The following RBFOX3 variants were observed in gnomAD, a reference collection of about 807,000 sequenced individuals.
RBFOX3 encodes RNA binding fox-1 homolog 3, also known as RNA binding protein fox-1 homolog 3.
A neutral mutation model predicts 48.7 loss-of-function variants in RBFOX3; 17 were observed. The ratio of observed to expected loss-of-function variants is 0.35; its 90% CI spans 0.24 to 0.52. RBFOX3 has a LOEUF of 0.52. Ranked by LOEUF, RBFOX3 falls within the 20% of genes least tolerant of loss-of-function variation. RBFOX3 has a pLI of 0.94. For synonymous variants in RBFOX3, 212 were observed against 209.5 expected, an observed-to-expected ratio of 1.01 and a Z score of -0.10; for missense variants, 382 against 497.5, an observed-to-expected ratio of 0.77 and a Z score of 2.21.
chr17:79,348,870 C>T (rs756206514), intron 2 of RBFOX3, among the ~76,000 whole-genome samples: 1 of 151,972 alleles, frequency 6.6e-6, no homozygotes, highest in Non-Finnish European at 1.5e-5. Context: ...GCCACCACCC[C>T]CGGCCTAAAC....
intron 2 of RBFOX3, among the ~76,000 whole-genome samples, chr17:79,343,939 C>T (rs1014739964): frequency 5.3e-5 from 8 of 152,230 alleles, no homozygotes; most frequent in Middle Eastern, 6.8e-3. Context: ...ATGCACAGGA[C>T]CATGGAATTA....
At chr17:79,280,379 T>C (rs891035000) in intron 3 of RBFOX3, among the ~76,000 whole-genome samples, 2 of 152,168 alleles carry the variant, frequency 1.3e-5, no homozygotes, top group Non-Finnish European at 2.9e-5. Context: ...TATGGGACTG[T>C]CTGTGTGAGA....
chr17:79,165,646 C>T (rs1215386849), intron 4 of RBFOX3, among the ~76,000 whole-genome samples: 1 of 152,238 alleles, frequency 6.6e-6, no homozygotes, highest in African/African-American at 2.4e-5. Flanking sequence ...CTTCGCCGGC[C>T]GGGGTCCCTG....
intron 2 of RBFOX3, among the ~76,000 whole-genome samples, chr17:79,350,745 G>T (rs1476362446): frequency 6.6e-6 from 1 of 152,230 alleles, no homozygotes; most frequent in African/African-American, 2.4e-5. Flanking sequence ...AGCCCCTGAT[G>T]AGGGTTGTGG....
chr17:79,245,221 C>T (rs765333343), intron 3 of RBFOX3, among the ~76,000 whole-genome samples: 7 of 151,960 alleles, frequency 4.6e-5, no homozygotes, highest in Non-Finnish European at 1.0e-4. Context: ...TACAGGCGTA[C>T]GCCACCACAC....
At chr17:79,437,927 C>T (rs1007577800) in intron 2 of RBFOX3, among the ~76,000 whole-genome samples, 6 of 147,920 alleles carry the variant, frequency 4.1e-5, no homozygotes, top group Middle Eastern at 3.2e-3. Context: ...TACATGCACA[C>T]GCATTCACAC....
intron 14 of RBFOX3, chr17:79,091,893 G>T: frequency 1.1e-6 from 1 of 892,038 alleles, no homozygotes; most frequent in Non-Finnish European, 1.3e-6. Context: ...AGACTGGCGT[G>T]ACCACAGCAG....
At chr17:79,115,189 C>T (rs1042788496) in intron 5 of RBFOX3, among the ~76,000 whole-genome samples, 5 of 152,228 alleles carry the variant, frequency 3.3e-5, no homozygotes, top group Non-Finnish European at 5.9e-5. Context: ...AGCAGGGAAG[C>T]CAGGCCCAGG....
rs1310415059 is a variant in RBFOX3, at chr17:79,465,778, C to T, written c.-175+16676G>A. On this transcript the variant is annotated intron_variant, in intron 2 of 14. Transcript: ENST00000693108. ...CGGCAGGTAGCCATGCTTCAGCCCCCGGTGGCCTCTCATCCGCCCAGCAGG... is the reference window on the plus strand; with the variant it reads ...CGGCAGGTAGCCATGCTTCAGCCCCTGGTGGCCTCTCATCCGCCCAGCAGG... Among the ~76,000 whole-genome samples, 7 of 152,214 alleles carry T rather than the reference C, an allele frequency of 4.6e-5. No homozygotes were observed. In the East Asian group the frequency reaches 7.7e-4, roughly 17 times the overall value.
intron 3 of RBFOX3, among the ~76,000 whole-genome samples, chr17:79,258,475 C>T (rs541849898): frequency 7.2e-5 from 11 of 152,310 alleles, no homozygotes; most frequent in Non-Finnish European, 1.3e-4. Flanking sequence ...TTACTGAGCA[C>T]GGGAATGTGC....
At chr17:79,189,316 A>G (rs992326924) in intron 4 of RBFOX3, among the ~76,000 whole-genome samples, 19 of 152,312 alleles carry the variant, frequency 1.2e-4, no homozygotes, top group Middle Eastern at 3.4e-3. Flanking sequence ...ACAACCAGTT[A>G]GAGGCAGCGT....
intron 1 of RBFOX3, among the ~76,000 whole-genome samples, chr17:79,565,520 T>C (rs999819977): frequency 3.9e-5 from 6 of 152,058 alleles, no homozygotes; most frequent in Middle Eastern, 3.2e-3. Context: ...TTTGTATTTT[T>C]AGTAAAGATG....
chr17:79,093,140 T>G lies in RBFOX3; in HGVS notation c.1077+1311A>C, dbSNP rs553071276. Among the ~76,000 whole-genome samples, 19 of 152,152 alleles carry G rather than the reference T, an allele frequency of 1.2e-4. No individual in the cohort carries two copies. The South Asian group carries it at 3.5e-3, about 28-fold the overall frequency. On this transcript the variant is annotated intron_variant, in intron 14 of 14. Coordinates refer to ENST00000693108, the MANE Select transcript of RBFOX3 (RefSeq NM_001350451.2). ...GCATAGTGTTCAGAGCCTTGCTCTC[T>G]GGGGGGGTCTCTGGGTCCTCCTGGG...
rs111242762 is a variant in RBFOX3 at position 79,223,807 on chromosome 17, C to G, written c.-34+11959G>C. The stretch of plus-strand genomic sequence containing the variant: ...AGCTGCTCTGTGGCAGTGCGCCCCC[C>G]CTACAGCACAGCACTAAAGCAAACA... On this transcript the variant is annotated intron_variant, in intron 4 of 14. Transcript: ENST00000693108. Among the ~76,000 whole-genome samples the G allele has an allele frequency of 9.2e-3, 1,397 of 152,312 alleles. 28 individuals are homozygous for G. Among genetic ancestry groups the G allele is most frequent in the African/African-American group, 0.032 (1,327 of 41,562 alleles).
At chr17:79,458,705 C>T (rs2074955552) in intron 2 of RBFOX3, among the ~76,000 whole-genome samples, 1 of 152,138 alleles carries the variant, frequency 6.6e-6, no homozygotes, top group Admixed American at 6.5e-5. Flanking sequence ...GCTGGGCAGT[C>T]TGCTTCCTGA....
chr17:79,192,109 G>A (rs546678398), intron 4 of RBFOX3, among the ~76,000 whole-genome samples: 1 of 152,140 alleles, frequency 6.6e-6, no homozygotes, highest in Non-Finnish European at 1.5e-5. Flanking sequence ...GATCCTGGGA[G>A]GAAAATCCCT....
Position 79,094,519 on chromosome 17 carries a change from C to A in RBFOX3, c.1009G>T (p.Val337Phe). 1 of 1,333,530 alleles carries A rather than the reference C, an allele frequency of 7.5e-7. No homozygotes were observed. Among genetic ancestry groups the A allele is most frequent in the Non-Finnish European group, 9.7e-7 (1 of 1,032,056 alleles). 82.6% of individuals were successfully genotyped at this position (1,333,530 alleles called of 1,614,324 possible). ...AAAYSDSYGR[V>F]YAAADPYHHT... ...TGGTACGGGTCGGCAGCTGCGTAGA[C>A]TCTGCCGTAACTAGGGAAGAGCGTG... The change falls in exon 14 of 15, where the codon GTC becomes TTC. Residue 337 changes from valine to phenylalanine, a missense_variant. Physicochemically the swap from Val to Phe is conservative, Grantham distance 50 (BLOSUM62 -1). This residue lies in a region of RBFOX3 where 215 missense variants were observed against 254.8 expected (regional missense o/e 0.84). Transcript: ENST00000693108.
chr17:79,319,074 TG>T (rs2078010936), intron 2 of RBFOX3, among the ~76,000 whole-genome samples: 1 of 142,992 alleles, frequency 7.0e-6, no homozygotes, highest in Admixed American at 7.0e-5. Flanking sequence ...GACATGAGGG[TG>T]GGCGGAGGGA....
At chr17:79,351,969 G>C (rs2084028009) in intron 2 of RBFOX3, among the ~76,000 whole-genome samples, 1 of 152,114 alleles carries the variant, frequency 6.6e-6, no homozygotes, top group South Asian at 2.1e-4. Context: ...CAGGATGGGA[G>C]GGGATCTTAG....
Sources: allele counts gnomAD v4.1 joint callset (sites outside exome capture counted in the v4.1 genomes callset), GRCh38; gene constraint gnomAD v4.1.1; regional missense constraint gnomAD v4.1.1; transcripts MANE v1.5; gene names NCBI Gene and HGNC (gene_info 2026-07-23, HGNC 2026-07-21).